NXPH1: variants seen among roughly 807,000 people sequenced by gnomAD.
NXPH1 encodes neurexophilin-1.
Under a neutral mutation model 23.7 loss-of-function variants are expected in NXPH1, and 5 were observed. That is an observed-to-expected ratio of 0.21 (90% CI 0.11 to 0.44). The LOEUF (loss-of-function observed/expected upper bound fraction) is 0.44. Among genes scored for constraint, NXPH1 ranks in the 20% least tolerant of loss-of-function variants. The probability of loss-of-function intolerance (pLI) is 0.99; values close to 1 mark genes in which losing one functional copy is unlikely to be tolerated. For missense variants in NXPH1, 324 were observed against 321.6 expected, an observed-to-expected ratio of 1.01 and a Z score of -0.06; for synonymous variants, 144 against 122.2, an observed-to-expected ratio of 1.18 and a Z score of -1.18.
intron 2 of NXPH1, among the ~76,000 whole-genome samples, chr7:8,577,233 C>T (rs922895988): frequency 1.1e-4 from 16 of 152,040 alleles, no homozygotes; most frequent in Admixed American, 3.3e-4. Flanking sequence ...ATCCTCTTAT[C>T]GTTTCTTTTA....
intron 2 of NXPH1, among the ~76,000 whole-genome samples, chr7:8,694,505 C>T (rs1821272598): frequency 6.6e-6 from 1 of 152,110 alleles, no homozygotes; most frequent in South Asian, 2.1e-4. Flanking sequence ...CTGGACATTG[C>T]CCTAGTACCA....
At chr7:8,455,347 T>C (rs555380763) in intron 2 of NXPH1, among the ~76,000 whole-genome samples, 1 of 152,298 alleles carries the variant, frequency 6.6e-6, no homozygotes, top group Admixed American at 6.5e-5. Flanking sequence ...TGATATTCCA[T>C]GTATGAAGAA....
intron 2 of NXPH1, among the ~76,000 whole-genome samples, chr7:8,447,111 G>A (rs11982089): frequency 0.018 from 2,760 of 152,228 alleles, 86 homozygotes; most frequent in African/African-American, 0.063. Context: ...TGAAAATTCC[G>A]TAATTAATCC....
chr7:8,674,832 C>G (rs1478751323), intron 2 of NXPH1, among the ~76,000 whole-genome samples: 4 of 152,134 alleles, frequency 2.6e-5, no homozygotes, highest in Admixed American at 2.6e-4. Context: ...TAATGAGATT[C>G]CACACATCAT....
In NXPH1 at chr7:8,743,322, A is replaced by G. The variant is rs528201393; in HGVS notation, c.55-7686A>G. ...TGCAGGTTGGTAAAAGTTAAAAGAC[A>G]TCTCATTTCTCATTTATAAAAAGAG... On this transcript the variant is annotated intron_variant, in intron 2 of 2. Coordinates refer to ENST00000405863, the MANE Select transcript of NXPH1 (RefSeq NM_152745.3). 1.4e-4 allele frequency among the ~76,000 whole-genome samples: 22 copies of G among 152,300 alleles called. No homozygotes were observed. In the East Asian group the frequency reaches 4.2e-3, roughly 29 times the overall value.
intron 2 of NXPH1, among the ~76,000 whole-genome samples, chr7:8,743,166 T>C (rs992794940): frequency 6.6e-6 from 1 of 152,150 alleles, no homozygotes; most frequent in African/African-American, 2.4e-5. Context: ...CAGTGAGCAA[T>C]GTTGCTTGAG....
intron 2 of NXPH1, among the ~76,000 whole-genome samples, chr7:8,599,652 C>A (rs1404097835): frequency 1.3e-5 from 2 of 152,092 alleles, no homozygotes; most frequent in South Asian, 2.1e-4. Context: ...TAAGTTCAAT[C>A]ACTTCAATTT....
At chr7:8,707,746 G>A (rs188563550) in intron 2 of NXPH1, among the ~76,000 whole-genome samples, 1 of 152,102 alleles carries the variant, frequency 6.6e-6, no homozygotes, top group Non-Finnish European at 1.5e-5. Flanking sequence ...CCTTGAGAAA[G>A]TCACTTAACC....
chr7:8,577,695 C>T (rs1818779602), intron 2 of NXPH1, among the ~76,000 whole-genome samples: 1 of 152,148 alleles, frequency 6.6e-6, no homozygotes. Context: ...ATACTGTGCC[C>T]TTGTGTAGTC....
chr7:8,564,435 C>T (rs953276752), intron 2 of NXPH1, among the ~76,000 whole-genome samples: 4 of 151,660 alleles, frequency 2.6e-5, no homozygotes, highest in African/African-American at 7.3e-5. Flanking sequence ...TGGCTCTTCC[C>T]AACTGCTGCC....
At position 8,752,429 on chromosome 7, in the gene NXPH1, C is replaced by G. The variant is rs901748843; in HGVS notation, c.*660C>G. On this transcript the variant is annotated 3_prime_UTR_variant, in exon 3 of 3. Transcript: ENST00000405863. ...TTTTTCTTTGAAAGGGGCCTGTTCT[C>G]AGTAAAGATGAGCAAACATTTGGAA... 1 of 152,556 alleles carries G rather than the reference C, an allele frequency of 6.6e-6. No homozygotes were observed. The highest frequency in any genetic ancestry group is 2.4e-5 in the African/African-American group (1 of 41,430). 9.5% of individuals were successfully genotyped at this position (152,556 alleles called of 1,614,324 possible).
At chr7:8,445,495 C>T (rs561564130) in intron 2 of NXPH1, among the ~76,000 whole-genome samples, 33 of 152,270 alleles carry the variant, frequency 2.2e-4, no homozygotes, top group African/African-American at 7.0e-4. Flanking sequence ...CATAGTGTAA[C>T]GGGGCCTTCT....
intron 2 of NXPH1, among the ~76,000 whole-genome samples, chr7:8,464,180 C>A (rs1247245272): frequency 6.6e-6 from 1 of 152,158 alleles, no homozygotes; most frequent in Non-Finnish European, 1.5e-5. Flanking sequence ...CTTTAATAAT[C>A]TATCTCCATT....
At chr7:8,590,194 C>G (rs1181115479) in intron 2 of NXPH1, among the ~76,000 whole-genome samples, 1 of 152,100 alleles carries the variant, frequency 6.6e-6, no homozygotes, top group Admixed American at 6.6e-5. Context: ...CATCTAGCAT[C>G]ACTAGAGAGA....
At chr7:8,742,431 C>T (rs544664233) in intron 2 of NXPH1, among the ~76,000 whole-genome samples, 94 of 151,944 alleles carry the variant, frequency 6.2e-4, no homozygotes, top group African/African-American at 2.0e-3. Flanking sequence ...TGTAAAAATA[C>T]GGTATATTCA....
At chr7:8,444,685 C>CA (rs778998225) in intron 2 of NXPH1, among the ~76,000 whole-genome samples, 11 of 152,212 alleles carry the variant, frequency 7.2e-5, no homozygotes, top group Non-Finnish European at 1.5e-4. Context: ...GTGCATTTGT[C>CA]AGTGCCTCGT....
At chr7:8,618,033 G>A (rs1819783708) in intron 2 of NXPH1, among the ~76,000 whole-genome samples, 1 of 151,978 alleles carries the variant, frequency 6.6e-6, no homozygotes, top group Non-Finnish European at 1.5e-5. Context: ...TTTTTTAAAA[G>A]TAAATTAAAA....
intron 2 of NXPH1, among the ~76,000 whole-genome samples, chr7:8,647,908 T>C (rs914846318): frequency 6.6e-6 from 1 of 152,176 alleles, no homozygotes; most frequent in Admixed American, 6.5e-5. Flanking sequence ...AAATTTGAAA[T>C]ATATGAGTTG....
At chr7:8,477,901 G>C (rs566174040) in intron 2 of NXPH1, among the ~76,000 whole-genome samples, 3 of 152,204 alleles carry the variant, frequency 2.0e-5, no homozygotes, top group African/African-American at 7.2e-5. Context: ...TTGAATTTCT[G>C]ACTCCCTTAT....
Sources: gnomAD v4.1 joint callset for allele counts (sites outside exome capture counted in the v4.1 genomes callset) on GRCh38, gnomAD v4.1.1 for gene constraint, MANE v1.5 for transcripts, NCBI Gene and HGNC (gene_info 2026-07-23, HGNC 2026-07-21) for gene names.